The following TOP1 variants were observed in gnomAD, a reference collection of about 807,000 sequenced individuals.
TOP1 encodes the protein DNA topoisomerase I, also known as DNA topoisomerase 1.
In TOP1, 10 loss-of-function variants were observed where a neutral mutation model predicts 111.1. That is an observed-to-expected ratio of 0.09 (90% CI 0.06 to 0.15). The LOEUF (loss-of-function observed/expected upper bound fraction) is 0.15, where lower values mean the gene tolerates loss of function less well. Ranked by LOEUF, TOP1 falls within the 10% of genes least tolerant of loss-of-function variation. The probability of loss-of-function intolerance (pLI) is 1.00; values close to 1 mark genes in which losing one functional copy is unlikely to be tolerated. For synonymous variants in TOP1, 271 were observed against 302.9 expected (o/e 0.89, Z 1.10); for missense variants, 474 against 926.7 (o/e 0.51, Z 6.34).
Position 41,121,991 on chromosome 20 carries a change from T to C in TOP1, c.2046-15T>C, listed in dbSNP as rs746619197. The C allele has an allele frequency of 8.1e-6, 13 of 1,613,542 alleles. No homozygotes were observed. The highest frequency in any genetic ancestry group is 1.1e-5 in the South Asian group (1 of 91,040). ...AGCCCAGGCCTGGTTCTTGAGGACT[T>C]TGCTATTCTTCTAGGGTAGTAGAGT... On this transcript the variant is annotated splice_polypyrimidine_tract_variant and intron_variant, in intron 19 of 20. Coordinates refer to ENST00000361337, the MANE Select transcript of TOP1 (RefSeq NM_003286.4). This position sits in a 1 kb window ranked among gnomAD's most constrained non-coding sequence, Gnocchi z 4.2.
intron 8 of TOP1, among the ~76,000 whole-genome samples, chr20:41,087,231 G>A (rs1219897030): frequency 2.0e-5 from 3 of 152,176 alleles, no homozygotes; most frequent in Non-Finnish European, 4.4e-5. Context: ...TATCTCCATA[G>A]AAACATTGTT....
At chr20:41,093,637 G>C (rs2033947084) in intron 9 of TOP1, among the ~76,000 whole-genome samples, 1 of 152,072 alleles carries the variant, frequency 6.6e-6, no homozygotes, top group South Asian at 2.1e-4. Context: ...GCACTGAAAA[G>C]AAAAAGTTCT....
In TOP1 at chr20:41,080,529, G is replaced by A. The variant is rs1424998277; in HGVS notation, c.431+349G>A. Among the ~76,000 whole-genome samples, 1 of 152,064 alleles carries A rather than the reference G, an allele frequency of 6.6e-6. No homozygotes were observed. Among genetic ancestry groups the A allele is most frequent in the Non-Finnish European group, 1.5e-5 (1 of 68,006 alleles). On this transcript the variant is annotated intron_variant, in intron 6 of 20. Transcript: ENST00000361337. This position sits in a 1 kb window ranked among gnomAD's most constrained non-coding sequence, Gnocchi z 5.0. The stretch of plus-strand genomic sequence containing the variant: ...AGATAACTTAAAGCAGTTTCTCTTA[G>A]ACCTATTCCTGTCAGACATTCTAAG...
rs2145939936 is a variant in TOP1 at position 41,083,718 on chromosome 20, T to C, written c.508-744T>C. Among the ~76,000 whole-genome samples, 1 of 152,356 alleles carries C rather than the reference T, an allele frequency of 6.6e-6. No individual in the cohort carries two copies. Among genetic ancestry groups the C allele is most frequent in the South Asian group, 2.1e-4 (1 of 4,828 alleles). ...TGAATAGGCAGGACAAAGGAAAATATTCTTCAAAAGAGTTCAGATTCTGAG... is the reference window on the plus strand; with the variant it reads ...TGAATAGGCAGGACAAAGGAAAATACTCTTCAAAAGAGTTCAGATTCTGAG... On this transcript the variant is annotated intron_variant, in intron 7 of 20. Transcript: ENST00000361337. The surrounding 1 kb of genome is among the most constrained non-coding windows in gnomAD (Gnocchi z 7.2).
chr20:41,041,638 G>A lies in TOP1; in HGVS notation c.58+12183G>A, dbSNP rs141708740. 6.1e-3 allele frequency among the ~76,000 whole-genome samples: 922 copies of A among 151,972 alleles called. 7 individuals carry two copies. The highest frequency in any genetic ancestry group is 0.019 in the South Asian group (90 of 4,804). ...GCTGATATGCCTAAAAGTCACCTGG[G>A]GATGATTGGTGAAAATACATATTCC... On this transcript the variant is annotated intron_variant, in intron 2 of 20. Transcript: ENST00000361337.
In TOP1 at chr20:41,123,818, G is replaced by A. The variant is rs1356579890; in HGVS notation, c.*521G>A. The A allele has an allele frequency of 1.3e-5, 3 of 232,452 alleles. No individual in the cohort carries two copies. Among genetic ancestry groups the A allele is most frequent in the African/African-American group, 2.2e-5 (1 of 45,236 alleles). 14.4% of individuals were successfully genotyped at this position (232,452 alleles called of 1,614,324 possible). ...GAGTCGTCACTCTCTATTGTCATGG[G>A]GATCAATTTTCATTAAACTTGAAGC... On this transcript the variant is annotated 3_prime_UTR_variant, in exon 21 of 21. Transcript: ENST00000361337. The surrounding 1 kb of genome is among the most constrained non-coding windows in gnomAD (Gnocchi z 5.8).
In TOP1 at chr20:41,116,432, A is replaced by T. The variant is rs140638134; in HGVS notation, c.1822+40A>T. ...GCCAGATAGGGCCCACACCCCTACT[A>T]ATGGTATCCGGTGACCTTGCTTATC... On this transcript the variant is annotated intron_variant, in intron 17 of 20. Coordinates refer to ENST00000361337, the MANE Select transcript of TOP1 (RefSeq NM_003286.4). The surrounding 1 kb of genome is among the most constrained non-coding windows in gnomAD (Gnocchi z 5.6). 2,990 of 1,501,524 alleles carry T rather than the reference A, an allele frequency of 2.0e-3. 1 individual carries two copies. The highest frequency in any genetic ancestry group is 2.5e-3 in the Non-Finnish European group (2,699 of 1,078,102). 93.0% of individuals were successfully genotyped at this position (1,501,524 alleles called of 1,614,324 possible).
Position 41,121,599 on chromosome 20 carries a change from G to C in TOP1, c.1951-97G>C. The C allele has an allele frequency of 1.1e-6, 1 of 931,748 alleles. No homozygotes were observed. The allele number at this position is 931,748 out of a possible 1,614,324, so 57.7% of individuals were successfully genotyped here. ...TTTTTTATCTGACAAACCACTGACAGAGACAGCCTGGTCCAGATAACATCT... is the reference window on the plus strand; with the variant it reads ...TTTTTTATCTGACAAACCACTGACACAGACAGCCTGGTCCAGATAACATCT... On this transcript the variant is annotated intron_variant, in intron 18 of 20. Transcript: ENST00000361337. The surrounding 1 kb of genome is among the most constrained non-coding windows in gnomAD (Gnocchi z 4.2).
At position 41,029,742 on chromosome 20, in the gene TOP1, C is replaced by A. The variant is rs1355250702; in HGVS notation, c.58+287C>A. On this transcript the variant is annotated intron_variant, in intron 2 of 20. Coordinates refer to ENST00000361337, the MANE Select transcript of TOP1 (RefSeq NM_003286.4). This position sits in a 1 kb window ranked among gnomAD's most constrained non-coding sequence, Gnocchi z 6.1. The stretch of plus-strand genomic sequence containing the variant: ...GCCGGGATTCCTCCCGGGAAAGTCG[C>A]CTTGTCGACGGTCGGGACTTAGTCT... 4.6e-5 allele frequency: 24 copies of A among 525,506 alleles called. No homozygotes were observed. Among genetic ancestry groups the A allele is most frequent in the Non-Finnish European group, 7.2e-5 (21 of 290,960 alleles). 32.6% of individuals were successfully genotyped at this position (525,506 alleles called of 1,614,324 possible). A position where few individuals can be genotyped will look rare whatever the true frequency, so the allele number is the denominator to read the frequency against.
rs1274465043 is a variant in TOP1, at chr20:41,071,810, A to G, written c.156-4361A>G. Among the ~76,000 whole-genome samples the G allele has an allele frequency of 6.6e-6, 1 of 152,214 alleles. No individual in the cohort carries two copies. The highest frequency in any genetic ancestry group is 1.5e-5 in the Non-Finnish European group (1 of 68,042). On this transcript the variant is annotated intron_variant, in intron 3 of 20. Transcript: ENST00000361337. This position sits in a 1 kb window ranked among gnomAD's most constrained non-coding sequence, Gnocchi z 4.3. ...ATCTTACCCCATACAGATGCAAACTATGAACCAAGAAGTCAGCATCTATGC... is the reference window on the plus strand; with the variant it reads ...ATCTTACCCCATACAGATGCAAACTGTGAACCAAGAAGTCAGCATCTATGC...
chr20:41,041,550 T>G (rs780526521), intron 2 of TOP1, among the ~76,000 whole-genome samples: 24 of 152,088 alleles, frequency 1.6e-4, no homozygotes, highest in Non-Finnish European at 2.9e-4. Flanking sequence ...TCCCCCCAGC[T>G]GGTTGAAGAT....
chr20:41,045,699 G>A (rs1568673733), intron 2 of TOP1, among the ~76,000 whole-genome samples: 1 of 152,162 alleles, frequency 6.6e-6, no homozygotes, highest in Non-Finnish European at 1.5e-5. Context: ...TAACAAGAAG[G>A]TAATTTATTT....
chr20:41,056,417 A>G (rs2033471644), intron 2 of TOP1, among the ~76,000 whole-genome samples: 1 of 152,208 alleles, frequency 6.6e-6, no homozygotes, highest in Admixed American at 6.5e-5. Flanking sequence ...AGTCATTAAG[A>G]TATTTGAAGA....
In TOP1 at chr20:41,122,818, T is replaced by C. The variant is rs552224985; in HGVS notation, c.2196-377T>C. ...TTTCTGCTCGTTTTGCCTTGTTTGGTGCTAGAGATTTGGTTAGCTCTTAAA... is the reference window on the plus strand; with the variant it reads ...TTTCTGCTCGTTTTGCCTTGTTTGGCGCTAGAGATTTGGTTAGCTCTTAAA... On this transcript the variant is annotated intron_variant, in intron 20 of 20. Transcript: ENST00000361337. The surrounding 1 kb of genome is among the most constrained non-coding windows in gnomAD (Gnocchi z 5.4). Among the ~76,000 whole-genome samples the C allele has an allele frequency of 1.3e-5, 2 of 152,328 alleles. No individual in the cohort carries two copies. The highest frequency in any genetic ancestry group is 4.8e-5 in the African/African-American group (2 of 41,576).
intron 8 of TOP1, among the ~76,000 whole-genome samples, chr20:41,087,951 CG>C (rs55859207): frequency 0.029 from 4,396 of 152,036 alleles, 123 homozygotes; most frequent in Non-Finnish European, 0.044. Context: ...TTTTAAATTG[CG>C]GGGGGCGGAT....
In TOP1 at chr20:41,097,414, T is replaced by G. The variant is rs1449399551; in HGVS notation, c.852+73T>G. 8.5e-6 allele frequency: 12 copies of G among 1,416,658 alleles called. No homozygotes were observed. The African/African-American group carries it at 1.8e-4, about 21-fold the overall frequency. 87.8% of individuals were successfully genotyped at this position (1,416,658 alleles called of 1,614,324 possible). On this transcript the variant is annotated intron_variant, in intron 10 of 20. Transcript: ENST00000361337. This position sits in a 1 kb window ranked among gnomAD's most constrained non-coding sequence, Gnocchi z 4.2. ...AGTACTAAGTAATAAATTATCATTT[T>G]GCAAAACATTTCCTGATGTAAAATT...
At chr20:41,036,838 T>TTC (rs2033193476) in intron 2 of TOP1, among the ~76,000 whole-genome samples, 1 of 146,794 alleles carries the variant, frequency 6.8e-6, no homozygotes, top group African/African-American at 2.5e-5. Context: ...TTTTCTTTTT[T>TTC]TTTTTTTTTT....
chr20:41,049,645 G>A (rs879944132), intron 2 of TOP1, among the ~76,000 whole-genome samples: 1 of 152,148 alleles, frequency 6.6e-6, no homozygotes, highest in Non-Finnish European at 1.5e-5. Flanking sequence ...CTGTTGGGAT[G>A]GCGCGGTCAG....
At chr20:41,031,265 A>G (rs1205486364) in intron 2 of TOP1, among the ~76,000 whole-genome samples, 1 of 152,242 alleles carries the variant, frequency 6.6e-6, no homozygotes, top group African/African-American at 2.4e-5. Context: ...CAAAGAAAGG[A>G]TGTGCAGGTG....
Sources: gnomAD v4.1 joint callset for allele counts (sites outside exome capture counted in the v4.1 genomes callset) on GRCh38, gnomAD v4.1.1 for gene constraint, Gnocchi (gnomAD v3.1) non-coding constraint, MANE v1.5 for transcripts, NCBI Gene and HGNC (gene_info 2026-07-23, HGNC 2026-07-21) for gene names.